ENOX1: variants seen among roughly 807,000 people sequenced by gnomAD.
ENOX1 encodes the protein ecto-NOX disulfide-thiol exchanger 1.
In ENOX1, 42 loss-of-function variants were observed where a neutral mutation model predicts 82.5. The ratio of observed to expected loss-of-function variants is 0.51; its 90% CI spans 0.40 to 0.66. ENOX1 has a LOEUF of 0.66. Ranked by LOEUF, ENOX1 falls within the 30% of genes least tolerant of loss-of-function variation. The pLI is 0.00. For missense variants in ENOX1, 608 were observed against 811.6 expected, an observed-to-expected ratio of 0.75 and a Z score of 3.05; for synonymous variants, 271 against 282.2, an observed-to-expected ratio of 0.96 and a Z score of 0.40.
chr13:43,339,306 A>G (rs772553469), intron 9 of ENOX1, among the ~76,000 whole-genome samples: 9 of 152,252 alleles, frequency 5.9e-5, no homozygotes, highest in Non-Finnish European at 1.2e-4. Context: ...ATTTGAGCCT[A>G]TGGATCCTTT....
chr13:43,703,535 C>G lies in ENOX1; in HGVS notation c.-284-35991G>C, dbSNP rs1057106241. Reference sequence around the variant, plus strand: ...TGTTATACGCTTATCTTCCTTTCTACTTCAGAAGTCCTATTCATAGTCCTA... The same window carrying G: ...TGTTATACGCTTATCTTCCTTTCTAGTTCAGAAGTCCTATTCATAGTCCTA... On this transcript the variant is annotated intron_variant, in intron 1 of 16. Coordinates refer to ENST00000690772, the MANE Select transcript of ENOX1 (RefSeq NM_001347969.2). Among the ~76,000 whole-genome samples the G allele has an allele frequency of 3.3e-5, 5 of 152,302 alleles. No individual in the cohort carries two copies. The South Asian group carries it at 1.0e-3, about 32-fold the overall frequency.
chr13:43,349,457 A>C (rs1183896661), intron 8 of ENOX1, among the ~76,000 whole-genome samples: 1 of 152,236 alleles, frequency 6.6e-6, no homozygotes, highest in Non-Finnish European at 1.5e-5. Flanking sequence ...ATCCACGCCC[A>C]TCTCATTTCA....
chr13:43,765,643 A>G (rs1398172086), intron 1 of ENOX1, among the ~76,000 whole-genome samples: 1 of 152,206 alleles, frequency 6.6e-6, no homozygotes, highest in African/African-American at 2.4e-5. Context: ...TCAGAGCTGC[A>G]GTAACATTAG....
chr13:43,399,893 T>C (rs551582545), intron 5 of ENOX1, among the ~76,000 whole-genome samples: 54 of 152,240 alleles, frequency 3.5e-4, no homozygotes, highest in Admixed American at 5.2e-4. Context: ...TCCAACCCTC[T>C]GCTTGCCATC....
chr13:43,637,993 A>G lies in ENOX1; in HGVS notation c.-219+29486T>C, dbSNP rs1475939813. 2.0e-5 allele frequency among the ~76,000 whole-genome samples: 3 copies of G among 152,270 alleles called. No homozygotes were observed. In the East Asian group the frequency reaches 5.8e-4, roughly 29 times the overall value. ...GCAATAGAAGGGAAAAGGGTCCGAGAGCACCTCTAACTTACAAAAGTACAA... is the reference window on the plus strand; with the variant it reads ...GCAATAGAAGGGAAAAGGGTCCGAGGGCACCTCTAACTTACAAAAGTACAA... On this transcript the variant is annotated intron_variant, in intron 2 of 16. Transcript: ENST00000690772.
chr13:43,276,901 T>C (rs1338782271), intron 12 of ENOX1, among the ~76,000 whole-genome samples: 2 of 152,210 alleles, frequency 1.3e-5, no homozygotes, highest in Non-Finnish European at 2.9e-5. Context: ...TCAAGATCTA[T>C]TCTAGTTTAA....
rs553483925 is a variant in ENOX1 at position 43,320,056 on chromosome 13, A to G, written c.1261+2328T>C. On this transcript the variant is annotated intron_variant, in intron 11 of 16. Transcript: ENST00000690772. ...CAGGGATTTGTCTGAGGTTTGAACA[A>G]AAGACCAGATGGGAATTCTTGCTGT... 1.1e-3 allele frequency among the ~76,000 whole-genome samples: 174 copies of G among 152,328 alleles called. 1 individual carries two copies. The Middle Eastern group carries it at 0.014, about 12-fold the overall frequency.
intron 2 of ENOX1, among the ~76,000 whole-genome samples, chr13:43,611,076 C>T (rs2082180740): frequency 6.6e-6 from 1 of 152,130 alleles, no homozygotes. Context: ...ACTGTTATCT[C>T]CCTCCTATCC....
At chr13:43,583,793 C>G (rs2080854166) in intron 2 of ENOX1, among the ~76,000 whole-genome samples, 2 of 151,374 alleles carry the variant, frequency 1.3e-5, no homozygotes, top group South Asian at 4.2e-4. Context: ...TGTGTAAAGG[C>G]TCTACATCTC....
intron 2 of ENOX1, among the ~76,000 whole-genome samples, chr13:43,543,272 T>G (rs1026214260): frequency 5.9e-5 from 9 of 152,190 alleles, no homozygotes; most frequent in Non-Finnish European, 1.3e-4. Flanking sequence ...GGGGATCAGA[T>G]AGAGCCCTGT....
intron 1 of ENOX1, among the ~76,000 whole-genome samples, chr13:43,672,408 A>C (rs1158852667): frequency 6.6e-6 from 1 of 152,110 alleles, no homozygotes; most frequent in Non-Finnish European, 1.5e-5. Context: ...ACAACTATCC[A>C]CTTTTTCATC....
At chr13:43,382,165 A>G (rs1380246360) in intron 5 of ENOX1, among the ~76,000 whole-genome samples, 1 of 152,148 alleles carries the variant, frequency 6.6e-6, no homozygotes. Flanking sequence ...ATCATGACTG[A>G]GTAGTTTATC....
intron 14 of ENOX1, among the ~76,000 whole-genome samples, chr13:43,253,556 A>G (rs936080905): frequency 2.6e-5 from 4 of 151,852 alleles, no homozygotes; most frequent in African/African-American, 9.7e-5. Context: ...GCATTTCACA[A>G]CTCTCCCCTT....
At chr13:43,321,906 C>A (rs1593921819) in intron 11 of ENOX1, among the ~76,000 whole-genome samples, 3 of 152,310 alleles carry the variant, frequency 2.0e-5, no homozygotes, top group African/African-American at 7.2e-5. Context: ...AGGAGTGACA[C>A]CCCTAGCTTG....
At chr13:43,628,948 T>C (rs2083089337) in intron 2 of ENOX1, among the ~76,000 whole-genome samples, 1 of 152,120 alleles carries the variant, frequency 6.6e-6, no homozygotes, top group Non-Finnish European at 1.5e-5. Context: ...TAGGCAATGG[T>C]AAAAGTCCCA....
At chr13:43,601,357 C>T (rs971217517) in intron 2 of ENOX1, among the ~76,000 whole-genome samples, 2 of 151,932 alleles carry the variant, frequency 1.3e-5, no homozygotes, top group Admixed American at 6.6e-5. Context: ...TAAAAAGAAT[C>T]AAGAAGAAAT....
At chr13:43,461,682 TTTAA>T (rs1252575139) in intron 3 of ENOX1, among the ~76,000 whole-genome samples, 1 of 152,144 alleles carries the variant, frequency 6.6e-6, no homozygotes, top group Non-Finnish European at 1.5e-5. Context: ...TGGGTGGAAT[TTTAA>T]TTAGAGAGCC....
intron 2 of ENOX1, among the ~76,000 whole-genome samples, chr13:43,604,176 T>C (rs2081875439): frequency 6.6e-6 from 1 of 151,102 alleles, no homozygotes; most frequent in Non-Finnish European, 1.5e-5. Context: ...TTTGGCTGCA[T>C]AAATGTCTTC....
intron 5 of ENOX1, among the ~76,000 whole-genome samples, chr13:43,405,221 C>A (rs975386864): frequency 6.6e-6 from 1 of 151,994 alleles, no homozygotes; most frequent in African/African-American, 2.4e-5. Flanking sequence ...ATCTTGGAGC[C>A]CTGAAATAGT....
Sources: allele counts gnomAD v4.1 joint callset (sites outside exome capture counted in the v4.1 genomes callset), GRCh38; gene constraint gnomAD v4.1.1; transcripts MANE v1.5; gene names NCBI Gene and HGNC (gene_info 2026-07-23, HGNC 2026-07-21).